The following SLC22A23 variants were observed in gnomAD, a reference collection of about 807,000 sequenced individuals.
The protein encoded by SLC22A23 is solute carrier family 22 member 23.
SLC22A23 carries 26 observed loss-of-function variants against 61.0 expected under a neutral mutation model. The observed-to-expected ratio is 0.43, with a 90% CI of 0.31 to 0.59. SLC22A23 has a LOEUF of 0.59. Among genes scored for constraint, SLC22A23 ranks in the 20% least tolerant of loss-of-function variants. The pLI is 0.11. For synonymous variants in SLC22A23, 430 were observed against 413.9 expected (o/e 1.04, Z -0.47); for missense variants, 796 against 934.7 (o/e 0.85, Z 1.94).
At chr6:3,401,084 G>A (rs1581821178) in intron 3 of SLC22A23, among the ~76,000 whole-genome samples, 4 of 152,372 alleles carry the variant, frequency 2.6e-5, no homozygotes, top group African/African-American at 2.4e-5. Context: ...GCTCATGCCT[G>A]TAATCCCAGC....
In SLC22A23 at chr6:3,414,721, CAAAAAAA is replaced by C. The variant is rs60880355; in HGVS notation, c.758+1024_758+1030del. The stretch of plus-strand genomic sequence containing the variant: ...TCAAGGCCAAGATGTCTCGATTCAC[CAAAAAAA>C]AAAAAAAAAAAAAAAATCCTTTAAA... On this transcript the variant is annotated intron_variant, in intron 2 of 9. Coordinates refer to ENST00000406686, the MANE Select transcript of SLC22A23 (RefSeq NM_015482.2). This position sits in a 1 kb window ranked among gnomAD's most constrained non-coding sequence, Gnocchi z 5.1. Among the ~76,000 whole-genome samples the C allele has an allele frequency of 4.5e-5, 4 of 89,512 alleles. No homozygotes were observed. The highest frequency in any genetic ancestry group is 1.8e-4 in the African/African-American group (4 of 22,840). 58.7% of individuals were successfully genotyped at this position (89,512 alleles called of 152,430 possible). A position where few individuals can be genotyped will look rare whatever the true frequency, so the allele number is the denominator to read the frequency against.
At chr6:3,350,715 C>T (rs1402457130) in intron 3 of SLC22A23, among the ~76,000 whole-genome samples, 1 of 152,186 alleles carries the variant, frequency 6.6e-6, no homozygotes, top group Non-Finnish European at 1.5e-5. Context: ...CCTTCAGTTT[C>T]TAACAGAAAA....
At chr6:3,338,916 G>A (rs1045445915) in intron 3 of SLC22A23, among the ~76,000 whole-genome samples, 2 of 152,170 alleles carry the variant, frequency 1.3e-5, no homozygotes, top group African/African-American at 4.8e-5. Context: ...ACCAGATGGG[G>A]AACATGGAGC....
intron 1 of SLC22A23, among the ~76,000 whole-genome samples, chr6:3,417,767 A>G (rs547194152): frequency 6.6e-6 from 1 of 152,342 alleles, no homozygotes; most frequent in African/African-American, 2.4e-5. Flanking sequence ...GCTGGGGTTC[A>G]AACAACTCCC....
At chr6:3,320,814 G>A (rs1008697120) in intron 4 of SLC22A23, among the ~76,000 whole-genome samples, 1 of 152,116 alleles carries the variant, frequency 6.6e-6, no homozygotes, top group Admixed American at 6.5e-5. Flanking sequence ...TATATATTAA[G>A]AGGATGCAAT....
chr6:3,310,389 C>CGAGCACCCTGTCTCCCAGG (rs1762303273), intron 4 of SLC22A23, among the ~76,000 whole-genome samples: 1 of 115,004 alleles, frequency 8.7e-6, no homozygotes, highest in African/African-American at 3.7e-5. Context: ...GTCTCCCACT[C>CGAGCACCCTGTCTCCCAGG]GAGCACCCTG....
At chr6:3,337,852 T>C (rs1763943926) in intron 3 of SLC22A23, among the ~76,000 whole-genome samples, 1 of 152,228 alleles carries the variant, frequency 6.6e-6, no homozygotes, top group African/African-American at 2.4e-5. Flanking sequence ...TATGCAAATA[T>C]GCTACTTTCG....
In SLC22A23 at chr6:3,304,646, C is replaced by T. The variant is rs1761845736; in HGVS notation, c.1083-6428G>A. On this transcript the variant is annotated intron_variant, in intron 4 of 9. Coordinates refer to ENST00000406686, the MANE Select transcript of SLC22A23 (RefSeq NM_015482.2). The surrounding 1 kb of genome is among the most constrained non-coding windows in gnomAD (Gnocchi z 4.3). ...CGCATGGCGTGGGTTGTAGTGGGGG[C>T]AGTCCCAGGCAGGTGGTCCAGGGGC... 6.6e-6 allele frequency among the ~76,000 whole-genome samples: 1 copy of T among 152,034 alleles called. No homozygotes were observed. Among genetic ancestry groups the T allele is most frequent in the African/African-American group, 2.4e-5 (1 of 41,406 alleles).
intron 9 of SLC22A23, among the ~76,000 whole-genome samples, chr6:3,280,575 A>G (rs1472319848): frequency 7.3e-6 from 1 of 137,678 alleles, no homozygotes; most frequent in Non-Finnish European, 1.5e-5. Flanking sequence ...GGCTCACTGT[A>G]AGCTCCGCCT....
At chr6:3,436,748 C>T (rs1383649192) in intron 1 of SLC22A23, among the ~76,000 whole-genome samples, 1 of 152,212 alleles carries the variant, frequency 6.6e-6, no homozygotes, top group Non-Finnish European at 1.5e-5. Context: ...GCTCCCAGCA[C>T]AGTGCTGTGC....
intron 6 of SLC22A23, among the ~76,000 whole-genome samples, chr6:3,288,166 C>T (rs543018021): frequency 6.6e-6 from 1 of 152,320 alleles, no homozygotes; most frequent in African/African-American, 2.4e-5. Flanking sequence ...TGCCTCAGGG[C>T]TCTCAGGAAC....
chr6:3,284,806 C>T (rs1254303433), intron 8 of SLC22A23: 4 of 1,160,082 alleles, frequency 3.4e-6, no homozygotes, highest in Non-Finnish European at 4.9e-6. Flanking sequence ...CGGGCCAGGG[C>T]CTGTGCTGAG....
At chr6:3,397,836 G>A (rs113417296) in intron 3 of SLC22A23, among the ~76,000 whole-genome samples, 1 of 152,122 alleles carries the variant, frequency 6.6e-6, no homozygotes, top group Non-Finnish European at 1.5e-5. Flanking sequence ...ACACTCCGGG[G>A]CTGTATATGG....
At chr6:3,378,609 G>A (rs1252654552) in intron 3 of SLC22A23, among the ~76,000 whole-genome samples, 1 of 150,326 alleles carries the variant, frequency 6.7e-6, no homozygotes, top group African/African-American at 2.5e-5. Context: ...CCTTAGATAT[G>A]CCTCTGAACC....
At chr6:3,332,186 G>A (rs546293167) in intron 3 of SLC22A23, among the ~76,000 whole-genome samples, 13 of 152,256 alleles carry the variant, frequency 8.5e-5, no homozygotes, top group South Asian at 2.1e-4. Context: ...CCCAGCTGTC[G>A]GAGGGCAGGG....
In SLC22A23 at chr6:3,324,199, G is replaced by A. The variant is rs895331179; in HGVS notation, c.914-197C>T. ...AGGCTCCAACTGGGAAGGGAAGTGA[G>A]ACGGTTGTTCAAGGCCACAGGGCTA... On this transcript the variant is annotated intron_variant, in intron 3 of 9. Coordinates refer to ENST00000406686, the MANE Select transcript of SLC22A23 (RefSeq NM_015482.2). The surrounding 1 kb of genome is among the most constrained non-coding windows in gnomAD (Gnocchi z 4.3). 3 of 624,250 alleles carry A rather than the reference G, an allele frequency of 4.8e-6. No homozygotes were observed. Among genetic ancestry groups the A allele is most frequent in the Admixed American group, 5.9e-5 (2 of 33,986 alleles). The allele number at this position is 624,250 out of a possible 1,614,324, so 38.7% of individuals were successfully genotyped here. A position where few individuals can be genotyped will look rare whatever the true frequency, so the allele number is the denominator to read the frequency against.
chr6:3,347,051 G>A lies in SLC22A23; in HGVS notation c.914-23049C>T, dbSNP rs377641829. On this transcript the variant is annotated intron_variant, in intron 3 of 9. Transcript: ENST00000406686. ...ATATTTCCTCCCAATCTTTCACAAC[G>A]TTTTTTTTTAAATGGTTATCAGTTT... is the stretch of plus-strand genomic sequence containing the variant. Among the ~76,000 whole-genome samples the A allele has an allele frequency of 2.4e-4, 37 of 151,072 alleles. 1 individual carries two copies. The highest frequency in any genetic ancestry group is 8.5e-4 in the African/African-American group (35 of 41,078).
chr6:3,305,066 C>T (rs926267213), intron 4 of SLC22A23, among the ~76,000 whole-genome samples: 3 of 152,168 alleles, frequency 2.0e-5, no homozygotes, highest in South Asian at 2.1e-4. Context: ...GGGGGTAGCA[C>T]TGCTCACCAC....
At chr6:3,404,519 G>A (rs1768658428) in intron 3 of SLC22A23, among the ~76,000 whole-genome samples, 1 of 152,196 alleles carries the variant, frequency 6.6e-6, no homozygotes, top group Non-Finnish European at 1.5e-5. Flanking sequence ...AGAAAGGCCT[G>A]AGTAAATTTT....
Sources: gnomAD v4.1 joint callset for allele counts (sites outside exome capture counted in the v4.1 genomes callset) on GRCh38, gnomAD v4.1.1 for gene constraint, Gnocchi (gnomAD v3.1) non-coding constraint, MANE v1.5 for transcripts, NCBI Gene and HGNC (gene_info 2026-07-23, HGNC 2026-07-21) for gene names.